Variants in EPB41L4A observed in about 807,000 individuals in gnomAD.
EPB41L4A encodes the protein band 4.1-like protein 4A.
In EPB41L4A, 100 loss-of-function variants were observed where a neutral mutation model predicts 108.6. The observed-to-expected ratio is 0.92, with a 90% CI of 0.78 to 1.09. The LOEUF (loss-of-function observed/expected upper bound fraction) is 1.09, where lower values mean the gene tolerates loss of function less well. Ranked by LOEUF, EPB41L4A falls within the 50% of genes least tolerant of loss-of-function variation. The pLI, the probability that EPB41L4A is intolerant of heterozygous loss-of-function variation, is 0.00. For missense variants in EPB41L4A, 1,030 were observed against 842.7 expected (o/e 1.22, Z -2.75); for synonymous variants, 319 against 289.0 (o/e 1.10, Z -1.05).
rs763414732 is a variant in EPB41L4A, at chr5:112,240,778, C to A, written c.828G>T (p.Arg276=). ...CNETSFFFEA[R]SKTACKHLWK... is the part of the protein sequence containing the mutation. ...AGAGGTGCTTGCAAGCAGTTTTACT[C>A]CGAGCTTCAAAAAAGAATGAGGTTT... The change falls in exon 10 of 23, where the codon CGG becomes CGT. Residue 276 remains arginine, a synonymous_variant. Transcript: ENST00000261486. 3.1e-5 allele frequency: 50 copies of A among 1,589,420 alleles called. No individual in the cohort carries two copies. The highest frequency in any genetic ancestry group is 4.2e-5 in the Non-Finnish European group (49 of 1,173,506).
At chr5:112,369,599 G>T (rs1387033295) in intron 1 of EPB41L4A, among the ~76,000 whole-genome samples, 1 of 151,920 alleles carries the variant, frequency 6.6e-6, no homozygotes, top group East Asian at 1.9e-4. Flanking sequence ...TTTTTTAATT[G>T]ACTTATTGAA....
intron 15 of EPB41L4A, among the ~76,000 whole-genome samples, chr5:112,202,179 C>G (rs1294003619): frequency 6.6e-6 from 1 of 152,114 alleles, no homozygotes; most frequent in Non-Finnish European, 1.5e-5. Context: ...GTTCTTTGTT[C>G]GGCTACAGTG....
chr5:112,254,543 G>C (rs1417369281), intron 9 of EPB41L4A, among the ~76,000 whole-genome samples: 2 of 152,116 alleles, frequency 1.3e-5, no homozygotes, highest in Non-Finnish European at 2.9e-5. Context: ...CCATTCTCAA[G>C]TGCTGAGTCT....
chr5:112,366,747 A>C (rs1226727002), intron 1 of EPB41L4A, among the ~76,000 whole-genome samples: 1 of 152,166 alleles, frequency 6.6e-6, no homozygotes, highest in East Asian at 1.9e-4. Flanking sequence ...AGGATGGACA[A>C]TACAACCAGG....
intron 1 of EPB41L4A, among the ~76,000 whole-genome samples, chr5:112,323,684 C>G (rs142142603): frequency 3.6e-4 from 55 of 152,280 alleles, no homozygotes; most frequent in African/African-American, 1.3e-3. Context: ...CCATCTTTGC[C>G]CTCCTTCCTC....
intron 4 of EPB41L4A, among the ~76,000 whole-genome samples, chr5:112,270,731 G>A (rs566067618): frequency 6.1e-4 from 93 of 152,300 alleles, no homozygotes; most frequent in African/African-American, 2.2e-3. Context: ...GCATAGGACT[G>A]AAGGTCACAC....
chr5:112,357,351 T>G (rs1758420269), intron 1 of EPB41L4A, among the ~76,000 whole-genome samples: 1 of 147,802 alleles, frequency 6.8e-6, no homozygotes, highest in Non-Finnish European at 1.5e-5. Flanking sequence ...GTTGGGCCTT[T>G]ACAGAAATGT....
intron 1 of EPB41L4A, among the ~76,000 whole-genome samples, chr5:112,322,177 C>T (rs934498945): frequency 6.6e-6 from 1 of 152,206 alleles, no homozygotes; most frequent in Admixed American, 6.5e-5. Flanking sequence ...AATAGCACTG[C>T]ATCTTCTCAT....
Position 112,311,686 on chromosome 5 carries a change from C to T in EPB41L4A, c.100-4196G>A, listed in dbSNP as rs151113384. Among the ~76,000 whole-genome samples the T allele has an allele frequency of 3.7e-4, 56 of 152,258 alleles. No individual in the cohort carries two copies. In the East Asian group the frequency reaches 7.3e-3, roughly 20 times the overall value. On this transcript the variant is annotated intron_variant, in intron 1 of 22. Transcript: ENST00000261486. ...TCGCACTGCTGCACCCCAGCCTGGG[C>T]GACAGAGTGAGTGAGACTCTGTCTC...
In EPB41L4A at chr5:112,393,425, T is replaced by C. The variant is rs149147960; in HGVS notation, c.99+25516A>G. Among the ~76,000 whole-genome samples the C allele has an allele frequency of 7.5e-3, 1,142 of 152,106 alleles. 3 individuals carry two copies. The highest frequency in any genetic ancestry group is 0.012 in the Non-Finnish European group (822 of 67,954). ...AAAGGGGATACCACCACCGATCCCA[T>C]AGAAATACAAACTACCATCAAAGAA... On this transcript the variant is annotated intron_variant, in intron 1 of 22. Transcript: ENST00000261486.
chr5:112,174,153 C>G (rs1760745496), intron 18 of EPB41L4A, among the ~76,000 whole-genome samples: 1 of 152,220 alleles, frequency 6.6e-6, no homozygotes, highest in Non-Finnish European at 1.5e-5. Context: ...CTAATTTCCT[C>G]TGATTGCTAG....
intron 7 of EPB41L4A, 105 bp downstream of exon 7, chr5:112,262,389 G>A: frequency 1.1e-6 from 1 of 879,332 alleles, no homozygotes; most frequent in South Asian, 1.5e-5. Context: ...AGTATCATCT[G>A]CTTGCTAAAC....
intron 1 of EPB41L4A, among the ~76,000 whole-genome samples, chr5:112,404,205 T>C (rs1561648594): frequency 6.6e-6 from 1 of 152,162 alleles, no homozygotes; most frequent in Non-Finnish European, 1.5e-5. Context: ...TATATGACTA[T>C]ATAATAATGG....
At position 112,320,461 on chromosome 5, in the gene EPB41L4A, T is replaced by A. The variant is rs528594720; in HGVS notation, c.100-12971A>T. On this transcript the variant is annotated intron_variant, in intron 1 of 22. Coordinates refer to ENST00000261486, the MANE Select transcript of EPB41L4A (RefSeq NM_022140.5). Reference sequence around the variant, plus strand: ...TAACATTTATAACCATTCTTACTTTTGTTATCACTAAAGTGTTCTACAAAA... The same window carrying A: ...TAACATTTATAACCATTCTTACTTTAGTTATCACTAAAGTGTTCTACAAAA... 2.0e-5 allele frequency among the ~76,000 whole-genome samples: 3 copies of A among 152,350 alleles called. No individual in the cohort carries two copies. The South Asian group carries it at 6.2e-4, about 32-fold the overall frequency.
intron 9 of EPB41L4A, among the ~76,000 whole-genome samples, chr5:112,244,183 A>T (rs1750026754): frequency 6.6e-6 from 1 of 152,190 alleles, no homozygotes; most frequent in Non-Finnish European, 1.5e-5. Flanking sequence ...TGTTTCTTGG[A>T]AACTAGGGAG....
At chr5:112,193,097 G>T (rs953409310) in intron 17 of EPB41L4A, among the ~76,000 whole-genome samples, 2 of 152,160 alleles carry the variant, frequency 1.3e-5, no homozygotes, top group South Asian at 4.1e-4. Context: ...TCTGTCTAGT[G>T]TAATTCCAGC....
At chr5:112,269,430 T>C (rs527823368) in intron 4 of EPB41L4A, among the ~76,000 whole-genome samples, 1 of 152,292 alleles carries the variant, frequency 6.6e-6, no homozygotes, top group South Asian at 2.1e-4. Flanking sequence ...TTAAAGTAAC[T>C]ATATATTGCT....
At chr5:112,224,411 T>C (rs748032913) in intron 12 of EPB41L4A, among the ~76,000 whole-genome samples, 5 of 152,206 alleles carry the variant, frequency 3.3e-5, no homozygotes, top group African/African-American at 1.2e-4. Flanking sequence ...AAAAACTTTC[T>C]AAAATTCCAC....
At chr5:112,322,296 C>T (rs1409102466) in intron 1 of EPB41L4A, among the ~76,000 whole-genome samples, 7 of 152,174 alleles carry the variant, frequency 4.6e-5, no homozygotes, top group Admixed American at 3.3e-4. Context: ...GCCAAGAATA[C>T]GCATACAGAG....
Sources: allele counts gnomAD v4.1 joint callset (sites outside exome capture counted in the v4.1 genomes callset), GRCh38; gene constraint gnomAD v4.1.1; transcripts MANE v1.5; gene names NCBI Gene and HGNC (gene_info 2026-07-23, HGNC 2026-07-21).